ROBO1: variants seen among roughly 807,000 people sequenced by gnomAD.
ROBO1 encodes roundabout guidance receptor 1.
Under a neutral mutation model 195.9 loss-of-function variants are expected in ROBO1, and 149 were observed. The ratio of observed to expected loss-of-function variants is 0.76; its 90% CI spans 0.67 to 0.87. The LOEUF is 0.87. ROBO1 is among the 40% of genes least tolerant of loss of function. The pLI, the probability that ROBO1 is intolerant of heterozygous loss-of-function variation, is 0.00. For synonymous variants in ROBO1, 816 were observed against 733.2 expected (o/e 1.11, Z -1.82); for missense variants, 1,933 against 2,068.3 (o/e 0.93, Z 1.27).
At chr3:78,842,261 T>C (rs1467075094) in intron 4 of ROBO1, among the ~76,000 whole-genome samples, 4 of 136,996 alleles carry the variant, frequency 2.9e-5, no homozygotes, top group Non-Finnish European at 4.7e-5. Context: ...TATATATTTA[T>C]ATATATGAGC....
At chr3:79,646,931 A>T (rs1456327501) in intron 1 of ROBO1, among the ~76,000 whole-genome samples, 1 of 152,052 alleles carries the variant, frequency 6.6e-6, no homozygotes, top group African/African-American at 2.4e-5. Context: ...GGGGATAAAG[A>T]AAGGTTAATT....
chr3:79,637,725 A>G (rs1192380163), intron 1 of ROBO1, among the ~76,000 whole-genome samples: 1 of 152,140 alleles, frequency 6.6e-6, no homozygotes, highest in Non-Finnish European at 1.5e-5. Context: ...ACATAACACA[A>G]TGCTTTATTT....
intron 4 of ROBO1, among the ~76,000 whole-genome samples, chr3:78,821,299 G>C (rs1006367992): frequency 4.6e-5 from 7 of 151,308 alleles, no homozygotes; most frequent in African/African-American, 1.7e-4. Context: ...CCGAGTAACT[G>C]GGATTACAGG....
chr3:78,642,346 T>C (rs1381960290), intron 21 of ROBO1, among the ~76,000 whole-genome samples: 2 of 152,092 alleles, frequency 1.3e-5, no homozygotes, highest in Non-Finnish European at 2.9e-5. Context: ...AATAAAACAC[T>C]ACAGAGTCCA....
At chr3:78,621,022 ATAT>A (rs752600563) in intron 26 of ROBO1, among the ~76,000 whole-genome samples, 7 of 151,650 alleles carry the variant, frequency 4.6e-5, no homozygotes, top group Non-Finnish European at 7.4e-5. Flanking sequence ...ATGTAATTAT[ATAT>A]TATTATGTGT....
intron 2 of ROBO1, among the ~76,000 whole-genome samples, chr3:79,263,136 G>A (rs1576892987): frequency 6.6e-6 from 1 of 151,942 alleles, no homozygotes; most frequent in East Asian, 1.9e-4. Flanking sequence ...CAATTTTCCT[G>A]CAGCTATGAA....
chr3:79,679,213 AAGAGT>A (rs1230612240), intron 1 of ROBO1, among the ~76,000 whole-genome samples: 2 of 152,042 alleles, frequency 1.3e-5, no homozygotes, highest in African/African-American at 4.8e-5. Flanking sequence ...TCATAAATAG[AAGAGT>A]AGAGAAATGC....
chr3:79,152,406 G>A (rs1370240279), intron 2 of ROBO1, among the ~76,000 whole-genome samples: 2 of 151,740 alleles, frequency 1.3e-5, no homozygotes, highest in Non-Finnish European at 3.0e-5. Flanking sequence ...ACAGAGAAAA[G>A]ACTAAGGTGG....
Position 78,620,148 on chromosome 3 carries a change from C to A in ROBO1, c.3876-2107G>T, listed in dbSNP as rs145873089. Among the ~76,000 whole-genome samples the A allele has an allele frequency of 4.5e-3, 680 of 152,180 alleles. 3 individuals carry two copies. The highest frequency in any genetic ancestry group is 8.7e-3 in the Non-Finnish European group (595 of 68,016). On this transcript the variant is annotated intron_variant, in intron 26 of 30. Coordinates refer to ENST00000464233, the MANE Select transcript of ROBO1 (RefSeq NM_002941.4). ...AAAGTTAAAACCAGTAGGATCTGCT[C>A]CAAGATCTCTACTATAGAGAGGGAA...
At chr3:79,323,978 C>T (rs1266056649) in intron 2 of ROBO1, among the ~76,000 whole-genome samples, 1 of 152,116 alleles carries the variant, frequency 6.6e-6, no homozygotes, top group Non-Finnish European at 1.5e-5. Flanking sequence ...ACAAAGACTG[C>T]ACATGTGTAC....
intron 25 of ROBO1, among the ~76,000 whole-genome samples, chr3:78,628,174 G>A (rs1466865744): frequency 1.3e-5 from 2 of 152,018 alleles, no homozygotes; most frequent in Admixed American, 6.6e-5. Flanking sequence ...GGCTGGTCTC[G>A]AACTGCTGAC....
chr3:79,612,523 A>C (rs1560037544), intron 1 of ROBO1, among the ~76,000 whole-genome samples: 2 of 151,804 alleles, frequency 1.3e-5, no homozygotes. Context: ...AGCATGATTT[A>C]TAGTCCTTTG....
chr3:79,479,367 G>A (rs183433412), intron 2 of ROBO1, among the ~76,000 whole-genome samples: 88 of 152,224 alleles, frequency 5.8e-4, no homozygotes, highest in African/African-American at 1.8e-3. Context: ...TCACAATAGG[G>A]TTCACATTCC....
chr3:79,125,060 T>TA (rs532881792), intron 3 of ROBO1, among the ~76,000 whole-genome samples: 2,122 of 143,614 alleles, frequency 0.015, 54 homozygotes, highest in African/African-American at 0.049. Flanking sequence ...ACTACAAGTG[T>TA]AAAAAAAAAA....
At chr3:78,852,414 T>G in intron 4 of ROBO1, among the ~76,000 whole-genome samples, 1 of 152,322 alleles carries the variant, frequency 6.6e-6, no homozygotes, top group Non-Finnish European at 1.5e-5. Context: ...TTATTAAATA[T>G]ACTTCCAGTG....
At chr3:79,288,719 C>G (rs2032048229) in intron 2 of ROBO1, among the ~76,000 whole-genome samples, 1 of 152,146 alleles carries the variant, frequency 6.6e-6, no homozygotes, top group Non-Finnish European at 1.5e-5. Flanking sequence ...CCCTTCTGCG[C>G]CTATATATTG....
At chr3:78,892,140 G>C (rs1423798553) in intron 4 of ROBO1, among the ~76,000 whole-genome samples, 1 of 152,126 alleles carries the variant, frequency 6.6e-6, no homozygotes, top group African/African-American at 2.4e-5. Context: ...CAGGCAGATC[G>C]CTTGAGCTCA....
At chr3:79,137,556 A>G (rs1285688984) in intron 2 of ROBO1, among the ~76,000 whole-genome samples, 1 of 152,086 alleles carries the variant, frequency 6.6e-6, no homozygotes, top group African/African-American at 2.4e-5. Context: ...GGTCTGTTTA[A>G]TAGAACACAT....
chr3:79,594,276 C>G (rs1944095181), intron 1 of ROBO1, among the ~76,000 whole-genome samples: 1 of 151,944 alleles, frequency 6.6e-6, no homozygotes, highest in African/African-American at 2.4e-5. Flanking sequence ...TGTATGTTCT[C>G]TCAGTATTAA....
Sources: allele counts gnomAD v4.1 joint callset (sites outside exome capture counted in the v4.1 genomes callset), GRCh38; gene constraint gnomAD v4.1.1; transcripts MANE v1.5; gene names NCBI Gene and HGNC (gene_info 2026-07-23, HGNC 2026-07-21).